The following MYO1E variants were observed in gnomAD, a reference collection of about 807,000 sequenced individuals.
The protein encoded by MYO1E is myosin IE.
A neutral mutation model predicts 151.1 loss-of-function variants in MYO1E; 68 were observed. That is an observed-to-expected ratio of 0.45 (90% CI 0.37 to 0.55). The LOEUF (loss-of-function observed/expected upper bound fraction) is 0.55. Ranked by LOEUF, MYO1E falls within the 20% of genes least tolerant of loss-of-function variation. The probability of loss-of-function intolerance (pLI) is 0.00; values close to 1 mark genes in which losing one functional copy is unlikely to be tolerated. For synonymous variants in MYO1E, 601 were observed against 501.7 expected (o/e 1.20, Z -2.64); for missense variants, 1,363 against 1,389.3 (o/e 0.98, Z 0.30).
chr15:59,218,179 G>T, intron 9 of MYO1E, 92 bp from the exon 10 acceptor site: 1 of 1,445,286 alleles, frequency 6.9e-7, no homozygotes, highest in Non-Finnish European at 9.7e-7. Context: ...ATGTGCACAT[G>T]CACGTGTGTG....
chr15:59,275,724 G>A (rs754800348), intron 1 of MYO1E, among the ~76,000 whole-genome samples: 1 of 152,166 alleles, frequency 6.6e-6, no homozygotes, highest in African/African-American at 2.4e-5. Context: ...TGCCCAGATC[G>A]TCAAGGACAA....
rs71854928 is a variant in MYO1E at position 59,339,870 on chromosome 15, CAG to C, written c.3+32626_3+32627del. On this transcript the variant is annotated intron_variant, in intron 1 of 27. Transcript: ENST00000288235. ...TTTTTTTTGTTTTTTTTTTTTTTGA[CAG>C]AGTCTTGCTCTGTCGCCTAGCCTGG... 9.6e-3 allele frequency among the ~76,000 whole-genome samples: 1,335 copies of C among 139,000 alleles called. 22 individuals are homozygous for C. Among genetic ancestry groups the C allele is most frequent in the African/African-American group, 0.034 (1,255 of 36,976 alleles). The allele number at this position is 139,000 out of a possible 152,430, so 91.2% of individuals were successfully genotyped here. A position where few individuals can be genotyped will look rare whatever the true frequency, so the allele number is the denominator to read the frequency against.
chr15:59,284,627 CAA>C (rs141076604), intron 1 of MYO1E, among the ~76,000 whole-genome samples: 8 of 141,980 alleles, frequency 5.6e-5, no homozygotes, highest in African/African-American at 1.4e-4. Context: ...GTTTCTCTAC[CAA>C]AAAAAAAAAA....
At chr15:59,160,958 A>T in intron 24 of MYO1E, 115 bp downstream of exon 24, 1 of 1,374,044 alleles carries the variant, frequency 7.3e-7, no homozygotes, top group East Asian at 2.3e-5. Context: ...AGCCCCAGCA[A>T]GCAGAAGGTG....
intron 9 of MYO1E, among the ~76,000 whole-genome samples, chr15:59,221,210 C>G (rs938864391): frequency 3.3e-5 from 5 of 151,710 alleles, no homozygotes; most frequent in African/African-American, 1.2e-4. Context: ...AGGATTTCAC[C>G]ATGTTGGCCA....
At chr15:59,333,318 C>A (rs1217258753) in intron 1 of MYO1E, among the ~76,000 whole-genome samples, 2 of 152,060 alleles carry the variant, frequency 1.3e-5, no homozygotes, top group African/African-American at 4.8e-5. Context: ...TGGCTGGCTG[C>A]AGCCTTGAAC....
chr15:59,279,934 T>C (rs1361028889), intron 1 of MYO1E, among the ~76,000 whole-genome samples: 2 of 152,236 alleles, frequency 1.3e-5, no homozygotes, highest in African/African-American at 4.8e-5. Flanking sequence ...TTTCTGAGTA[T>C]GTATATATAA....
At chr15:59,207,665 A>C (rs1453406853) in intron 14 of MYO1E, 2 of 1,614,080 alleles carry the variant, frequency 1.2e-6, no homozygotes, top group Non-Finnish European at 1.7e-6. Flanking sequence ...CTCGGAGAGC[A>C]TGGAGACTCA....
intron 1 of MYO1E, among the ~76,000 whole-genome samples, chr15:59,287,542 T>C (rs1407663428): frequency 6.6e-6 from 1 of 152,192 alleles, no homozygotes; most frequent in Non-Finnish European, 1.5e-5. Flanking sequence ...CTTCCTTTGA[T>C]CAGCTTAGAT....
At chr15:59,248,894 C>T (rs1025353655) in intron 4 of MYO1E, among the ~76,000 whole-genome samples, 1 of 152,196 alleles carries the variant, frequency 6.6e-6, no homozygotes, top group South Asian at 2.1e-4. Flanking sequence ...TAGCTCCCTT[C>T]GTGGACTGTG....
intron 26 of MYO1E, among the ~76,000 whole-genome samples, chr15:59,148,692 G>T (rs2079456462): frequency 6.6e-6 from 1 of 152,104 alleles, no homozygotes; most frequent in South Asian, 2.1e-4. Flanking sequence ...ATAAAAATAT[G>T]ACTCCATTGG....
chr15:59,335,007 C>A (rs1426925553), intron 1 of MYO1E, among the ~76,000 whole-genome samples: 2 of 152,142 alleles, frequency 1.3e-5, no homozygotes, highest in Admixed American at 1.3e-4. Context: ...CTAAGAATAT[C>A]CCTGAAGAAG....
chr15:59,276,492 G>A lies in MYO1E; in HGVS notation c.4-4043C>T, dbSNP rs2080319921. ...ATAATGAAAAGTTACTCTTATCCCT[G>A]ACACTTCCTACAAATTATGACGGAG... is the stretch of plus-strand genomic sequence containing the variant. On this transcript the variant is annotated intron_variant, in intron 1 of 27. Transcript: ENST00000288235. Among the ~76,000 whole-genome samples the A allele has an allele frequency of 2.0e-5, 3 of 152,244 alleles. No individual in the cohort carries two copies. The South Asian group carries it at 6.2e-4, about 32-fold the overall frequency.
At chr15:59,288,278 T>C (rs909676723) in intron 1 of MYO1E, among the ~76,000 whole-genome samples, 12 of 152,284 alleles carry the variant, frequency 7.9e-5, no homozygotes, top group East Asian at 1.9e-4. Context: ...TGGGCTCAAG[T>C]GATTCTTCTG....
chr15:59,319,047 A>G (rs950708121), intron 1 of MYO1E, among the ~76,000 whole-genome samples: 2 of 152,222 alleles, frequency 1.3e-5, no homozygotes, highest in Admixed American at 6.5e-5. Context: ...GTGGTGGCTC[A>G]TGCCTGTAAT....
At chr15:59,139,142 T>G (rs533832772) in intron 26 of MYO1E, among the ~76,000 whole-genome samples, 1 of 152,036 alleles carries the variant, frequency 6.6e-6, no homozygotes, top group Non-Finnish European at 1.5e-5. Context: ...ACCTCACTCC[T>G]GTCTACTCCC....
At chr15:59,220,867 A>G (rs1423863472) in intron 9 of MYO1E, among the ~76,000 whole-genome samples, 1 of 144,182 alleles carries the variant, frequency 6.9e-6, no homozygotes, top group African/African-American at 2.6e-5. Context: ...AGGCGGGAGG[A>G]TGACTTAAGG....
chr15:59,152,319 A>G (rs1435450632), intron 26 of MYO1E, among the ~76,000 whole-genome samples: 2 of 152,184 alleles, frequency 1.3e-5, no homozygotes, highest in Non-Finnish European at 2.9e-5. Flanking sequence ...GCACAGGTCT[A>G]TTTTGCATTC....
chr15:59,236,724 C>T, intron 4 of MYO1E, 52 bp from the exon 5 acceptor site: 1 of 1,435,136 alleles, frequency 7.0e-7, no homozygotes, highest in Non-Finnish European at 9.8e-7. Flanking sequence ...GCGACCAGCT[C>T]CCTTCCTTGT....
Sources: gnomAD v4.1 joint callset for allele counts (sites outside exome capture counted in the v4.1 genomes callset) on GRCh38, gnomAD v4.1.1 for gene constraint, MANE v1.5 for transcripts, NCBI Gene and HGNC (gene_info 2026-07-23, HGNC 2026-07-21) for gene names.